Variants in SREK1 observed in about 807,000 individuals in gnomAD.
The protein encoded by SREK1 is splicing regulatory glutamic acid and lysine rich protein 1.
In SREK1, 13 loss-of-function variants were observed where a neutral mutation model predicts 66.5. The ratio of observed to expected loss-of-function variants is 0.20; its 90% CI spans 0.13 to 0.31. The LOEUF (loss-of-function observed/expected upper bound fraction) is 0.31, where lower values mean the gene tolerates loss of function less well. Among genes scored for constraint, SREK1 ranks in the 10% least tolerant of loss-of-function variants. The pLI is 1.00. For synonymous variants in SREK1, 265 were observed against 263.5 expected (o/e 1.01, Z -0.05); for missense variants, 607 against 769.6 (o/e 0.79, Z 2.50).
chr5:66,149,526 A>G (rs114517073), intron 1 of SREK1, among the ~76,000 whole-genome samples: 1 of 152,296 alleles, frequency 6.6e-6, no homozygotes, highest in Non-Finnish European at 1.5e-5. Context: ...TACAAACCAG[A>G]CTCAGAATTC....
intron 9 of SREK1, among the ~76,000 whole-genome samples, chr5:66,172,434 C>T (rs1580671494): frequency 6.6e-6 from 1 of 152,140 alleles, no homozygotes; most frequent in East Asian, 1.9e-4. Flanking sequence ...TCTTGCTCAT[C>T]GCCCAGGCTG....
chr5:66,160,158 G>C (rs1243765066), intron 3 of SREK1, among the ~76,000 whole-genome samples: 1 of 152,004 alleles, frequency 6.6e-6, no homozygotes. Context: ...ACTATTACTG[G>C]TTCTTGGTTT....
chr5:66,175,146 T>A, intron 10 of SREK1, 105 bp downstream of exon 10: 1 of 876,460 alleles, frequency 1.1e-6, no homozygotes, highest in Non-Finnish European at 1.7e-6. Flanking sequence ...TTTGAATGAA[T>A]AATACATATG....
chr5:66,177,280 A>G, intron 10 of SREK1: 1 of 361,772 alleles, frequency 2.8e-6, no homozygotes. Flanking sequence ...TTATGAGAAC[A>G]TATGGTGGCC....
chr5:66,150,261 A>G (rs1264903551), intron 1 of SREK1, among the ~76,000 whole-genome samples: 1 of 152,250 alleles, frequency 6.6e-6, no homozygotes, highest in Non-Finnish European at 1.5e-5. Context: ...GCAATATAGA[A>G]TGTCTTGGTA....
intron 1 of SREK1, among the ~76,000 whole-genome samples, chr5:66,145,841 A>T (rs1355966233): frequency 6.7e-6 from 1 of 150,012 alleles, no homozygotes; most frequent in Non-Finnish European, 1.5e-5. Flanking sequence ...ATTAATAGTT[A>T]TCTCCTTTAA....
At chr5:66,151,831 A>T (rs1743843490) in intron 1 of SREK1, among the ~76,000 whole-genome samples, 2 of 130,348 alleles carry the variant, frequency 1.5e-5, no homozygotes, top group African/African-American at 5.9e-5. Flanking sequence ...TAAGAGGTAC[A>T]TCCTTTTTTT....
intron 9 of SREK1, among the ~76,000 whole-genome samples, chr5:66,172,435 G>A (rs1230252838): frequency 1.3e-5 from 2 of 151,938 alleles, no homozygotes; most frequent in African/African-American, 2.4e-5. Flanking sequence ...CTTGCTCATC[G>A]CCCAGGCTGG....
chr5:66,160,188 C>T (rs544337002), intron 3 of SREK1, among the ~76,000 whole-genome samples: 149 of 151,930 alleles, frequency 9.8e-4, no homozygotes, highest in African/African-American at 3.5e-3. Flanking sequence ...AAACTCTGGC[C>T]ATATTTATTT....
At chr5:66,148,430 T>G (rs565507489) in intron 1 of SREK1, among the ~76,000 whole-genome samples, 4 of 152,280 alleles carry the variant, frequency 2.6e-5, no homozygotes, top group African/African-American at 9.6e-5. Flanking sequence ...GCCAAGAAAT[T>G]TAATTGATGC....
At chr5:66,172,130 T>C (rs1169499090) in intron 9 of SREK1, among the ~76,000 whole-genome samples, 1 of 152,208 alleles carries the variant, frequency 6.6e-6, no homozygotes, top group African/African-American at 2.4e-5. Flanking sequence ...GAAGAATTAA[T>C]GTAACCTCCT....
At chr5:66,163,723 T>C in intron 5 of SREK1, 69 bp from the exon 6 acceptor site, 1 of 1,506,930 alleles carries the variant, frequency 6.6e-7, no homozygotes, top group Non-Finnish European at 9.0e-7. Flanking sequence ...ATGTGTATCA[T>C]ATAAATGTTT....
At chr5:66,147,184 A>G (rs527757717) in intron 1 of SREK1, among the ~76,000 whole-genome samples, 1 of 152,232 alleles carries the variant, frequency 6.6e-6, no homozygotes, top group African/African-American at 2.4e-5. Flanking sequence ...TTTTAAGGCT[A>G]GGGAATTCTT....
rs1746426749 is a variant in SREK1, at chr5:66,180,833, G to A, written c.*1965G>A. ...ATAAGTAGAAATAGAGCAAATGTTG[G>A]AATCTGTTATTTTTAGTACCATGTC... On this transcript the variant is annotated 3_prime_UTR_variant, in exon 12 of 12. Transcript: ENST00000334121. The A allele has an allele frequency of 6.6e-6, 1 of 152,518 alleles. No homozygotes were observed. Among genetic ancestry groups the A allele is most frequent in the East Asian group, 1.9e-4 (1 of 5,194 alleles). 9.4% of individuals were successfully genotyped at this position (152,518 alleles called of 1,614,324 possible). A position where few individuals can be genotyped will look rare whatever the true frequency, so the allele number is the denominator to read the frequency against.
rs1196809499 is a variant in SREK1 at position 66,150,593 on chromosome 5, A to G, written c.162-2870A>G. On this transcript the variant is annotated intron_variant, in intron 1 of 11. Transcript: ENST00000334121. ...TGGGAGCTTTGGTGGAAGACCATTA[A>G]TAAGGATTTGAGGTTGGGTGCTGTG... 2.6e-5 allele frequency among the ~76,000 whole-genome samples: 4 copies of G among 152,202 alleles called. No homozygotes were observed. The East Asian group carries it at 7.7e-4, about 29-fold the overall frequency.
rs750028881 is a variant in SREK1 at position 66,153,553 on chromosome 5, G to A, written c.252G>A (p.Thr84=). 1 of 1,613,966 alleles carries A rather than the reference G, an allele frequency of 6.2e-7. No homozygotes were observed. Among genetic ancestry groups the A allele is most frequent in the Non-Finnish European group, 8.5e-7 (1 of 1,179,940 alleles). The change falls in exon 2 of 12, where the codon ACG becomes ACA. Residue 84 remains threonine (T), a synonymous_variant. Transcript: ENST00000334121. ...GCGTGGCCCAGCATCTAACTAACAC[G>A]GTTTTTATTGACAGAGCTCTGATAG... The part of the protein sequence containing the change: ...SVGVAQHLTN[T]VFIDRALIVV...
chr5:66,161,681 G>A (rs190419360), intron 3 of SREK1, among the ~76,000 whole-genome samples: 6 of 152,250 alleles, frequency 3.9e-5, no homozygotes, highest in African/African-American at 1.4e-4. Context: ...TAACAGCTAA[G>A]GTGTCTTTAA....
chr5:66,151,834 CTTTTTTTTTTTTT>C lies in SREK1; in HGVS notation c.162-1612_162-1600del, dbSNP rs60920757. Among the ~76,000 whole-genome samples the C allele has an allele frequency of 1.9e-4, 16 of 84,788 alleles. No homozygotes were observed. The South Asian group carries it at 2.3e-3, about 12-fold the overall frequency. 55.6% of individuals were successfully genotyped at this position (84,788 alleles called of 152,430 possible). On this transcript the variant is annotated intron_variant, in intron 1 of 11. Transcript: ENST00000334121. The stretch of plus-strand genomic sequence containing the variant: ...TGAGTTGGATGCTAAGAGGTACATC[CTTTTTTTTTTTTT>C]TTTTTTTTTTTTTTTTGAGAAGGAG...
chr5:66,153,493 A>T lies in SREK1; in HGVS notation c.192A>T (p.Val64=). The T allele has an allele frequency of 6.2e-7, 1 of 1,613,738 alleles. No individual in the cohort carries two copies. Among genetic ancestry groups the T allele is most frequent in the African/African-American group, 1.3e-5 (1 of 75,030 alleles). The change falls in exon 2 of 12, where the codon GTA becomes GTT. Residue 64 remains valine, a synonymous_variant. Transcript: ENST00000334121. Reference sequence around the variant, plus strand: ...CACCTCTTGCTTTTTCCTCCAAAGTATGTTATGTTAAGTTTCGTGATCCAT... The same window carrying T: ...CACCTCTTGCTTTTTCCTCCAAAGTTTGTTATGTTAAGTTTCGTGATCCAT... ...DNAPLAFSSK[V]CYVKFRDPSS...
Sources: allele counts gnomAD v4.1 joint callset (sites outside exome capture counted in the v4.1 genomes callset), GRCh38; gene constraint gnomAD v4.1.1; transcripts MANE v1.5; gene names NCBI Gene and HGNC (gene_info 2026-07-23, HGNC 2026-07-21).